The following SUSD5 variants were observed in gnomAD, a reference collection of about 807,000 sequenced individuals.
SUSD5 encodes sushi domain containing 5.
SUSD5 carries 33 observed loss-of-function variants against 29.5 expected under a neutral mutation model. The ratio of observed to expected loss-of-function variants is 1.12; its 90% confidence interval spans 0.85 to 1.49. The LOEUF is 1.49. SUSD5 is among the 40% of genes most tolerant of loss of function. The pLI is 0.00. For synonymous variants in SUSD5, 308 were observed against 325.3 expected (o/e 0.95, Z 0.57); for missense variants, 776 against 800.6 (o/e 0.97, Z 0.37).
At chr3:33,180,849 A>ATTT (rs1259692099) in intron 3 of SUSD5, among the ~76,000 whole-genome samples, 1 of 116,284 alleles carries the variant, frequency 8.6e-6, no homozygotes, top group Non-Finnish European at 1.9e-5. Flanking sequence ...CAAAAAAAAA[A>ATTT]TTTTTTTTTT....
intron 4 of SUSD5, among the ~76,000 whole-genome samples, chr3:33,160,303 T>C (rs1270122160): frequency 6.7e-6 from 1 of 148,332 alleles, no homozygotes; most frequent in Non-Finnish European, 1.5e-5. Context: ...AACAAACAAA[T>C]AAACAAACAA....
chr3:33,174,399 G>T (rs1187206485), intron 4 of SUSD5, among the ~76,000 whole-genome samples: 1 of 152,194 alleles, frequency 6.6e-6, no homozygotes, highest in South Asian at 2.1e-4. Context: ...CCACAGAATA[G>T]TTCTCAGGGT....
At chr3:33,189,478 CAAA>C (rs71630568) in intron 3 of SUSD5, among the ~76,000 whole-genome samples, 14 of 91,600 alleles carry the variant, frequency 1.5e-4, no homozygotes, top group Middle Eastern at 6.8e-3. Context: ...CTCTCCTTCT[CAAA>C]AAAAAAAAAA....
intron 4 of SUSD5, among the ~76,000 whole-genome samples, chr3:33,171,578 C>T (rs2031428762): frequency 6.6e-6 from 1 of 152,164 alleles, no homozygotes; most frequent in Non-Finnish European, 1.5e-5. Flanking sequence ...CCAGCTCTAT[C>T]GTTTGTGTCT....
intron 3 of SUSD5, among the ~76,000 whole-genome samples, chr3:33,176,358 T>C (rs2031552510): frequency 6.6e-6 from 1 of 152,230 alleles, no homozygotes. Context: ...CTTGGGTAAA[T>C]ACCAAAGAGC....
At chr3:33,155,269 T>C (rs1455620995) in intron 4 of SUSD5, among the ~76,000 whole-genome samples, 1 of 152,228 alleles carries the variant, frequency 6.6e-6, no homozygotes, top group South Asian at 2.1e-4. Flanking sequence ...ATTGGCAAGA[T>C]AGTTGACTTG....
chr3:33,183,836 C>A (rs2031722703), intron 3 of SUSD5, among the ~76,000 whole-genome samples: 2 of 148,654 alleles, frequency 1.3e-5, no homozygotes, highest in African/African-American at 2.5e-5. Flanking sequence ...GCCTTTATTT[C>A]TCTTTCACTT....
chr3:33,190,998 C>T (rs1311772435), intron 3 of SUSD5, among the ~76,000 whole-genome samples: 1 of 152,052 alleles, frequency 6.6e-6, no homozygotes, highest in Non-Finnish European at 1.5e-5. Flanking sequence ...AGCTTATATA[C>T]CTTCTTCATA....
chr3:33,188,192 A>G (rs989967072), intron 3 of SUSD5, among the ~76,000 whole-genome samples: 2 of 152,208 alleles, frequency 1.3e-5, no homozygotes, highest in Non-Finnish European at 2.9e-5. Context: ...ACTCATATGA[A>G]AGTTGATGCT....
At chr3:33,164,050 T>C (rs1040408164) in intron 4 of SUSD5, among the ~76,000 whole-genome samples, 5 of 151,990 alleles carry the variant, frequency 3.3e-5, no homozygotes, top group African/African-American at 1.2e-4. Flanking sequence ...TGCAACTGCC[T>C]GTAATCCCAG....
At position 33,150,898 on chromosome 3, in the gene SUSD5, G is replaced by A. The variant is rs1312362775; in HGVS notation, c.*1844C>T. The A allele has an allele frequency of 1.3e-5, 2 of 152,146 alleles. No homozygotes were observed. Among genetic ancestry groups the A allele is most frequent in the African/African-American group, 4.8e-5 (2 of 41,408 alleles). The allele number at this position is 152,146 out of a possible 1,614,324, so 9.4% of individuals were successfully genotyped here. ...TATGGTGTCTCAAAATAAATGTGTTGCATTCATCACTTTTTACCACTGATA... is the reference window on the plus strand; with the variant it reads ...TATGGTGTCTCAAAATAAATGTGTTACATTCATCACTTTTTACCACTGATA... On this transcript the variant is annotated 3_prime_UTR_variant, in exon 5 of 5. Coordinates refer to ENST00000309558, the MANE Select transcript of SUSD5 (RefSeq NM_015551.2).
chr3:33,172,774 A>C (rs897675494), intron 4 of SUSD5, among the ~76,000 whole-genome samples: 2 of 152,246 alleles, frequency 1.3e-5, no homozygotes, highest in African/African-American at 4.8e-5. Flanking sequence ...TTGACAGGGG[A>C]ATTTTATGTC....
At chr3:33,215,728 TG>T (rs2032418017) in intron 1 of SUSD5, among the ~76,000 whole-genome samples, 1 of 152,188 alleles carries the variant, frequency 6.6e-6, no homozygotes, top group Admixed American at 6.5e-5. Context: ...AAAATCCCCT[TG>T]TGCATGGAAA....
At chr3:33,213,061 T>C (rs1193162799) in intron 2 of SUSD5, among the ~76,000 whole-genome samples, 2 of 152,172 alleles carry the variant, frequency 1.3e-5, no homozygotes, top group South Asian at 2.1e-4. Flanking sequence ...ACTTTATATA[T>C]ATATGCATTA....
chr3:33,210,803 A>T (rs2032308668), intron 2 of SUSD5, among the ~76,000 whole-genome samples: 1 of 152,230 alleles, frequency 6.6e-6, no homozygotes, highest in Non-Finnish European at 1.5e-5. Flanking sequence ...AAAATAAATT[A>T]AAAAGGGATA....
In SUSD5 at chr3:33,167,388, T is replaced by C. The variant is rs879533495; in HGVS notation, c.598+7498A>G. Among the ~76,000 whole-genome samples the C allele has an allele frequency of 7.2e-5, 11 of 151,874 alleles. No individual in the cohort carries two copies. The highest frequency in any genetic ancestry group is 1.2e-4 in the Non-Finnish European group (8 of 67,968). On this transcript the variant is annotated intron_variant, in intron 4 of 4. Transcript: ENST00000309558. The surrounding 1 kb of genome is among the most constrained non-coding windows in gnomAD (Gnocchi z 4.1). ...ACCTGGACACTTACAGTCTGAACTATGTGTGTTTGTTTGTGTGCATGCATG... is the reference window on the plus strand; with the variant it reads ...ACCTGGACACTTACAGTCTGAACTACGTGTGTTTGTTTGTGTGCATGCATG...
chr3:33,196,317 T>TG (rs1481996130), intron 3 of SUSD5, among the ~76,000 whole-genome samples: 9 of 152,206 alleles, frequency 5.9e-5, no homozygotes, highest in African/African-American at 1.9e-4. Context: ...TGGTCAGTGA[T>TG]GGAGGCTTGG....
chr3:33,211,527 G>T (rs1431422127), intron 2 of SUSD5, among the ~76,000 whole-genome samples: 1 of 152,186 alleles, frequency 6.6e-6, no homozygotes, highest in Non-Finnish European at 1.5e-5. Context: ...TCACCAAAAG[G>T]CTTTGGATGT....
intron 4 of SUSD5, among the ~76,000 whole-genome samples, chr3:33,157,470 A>G (rs1193642911): frequency 6.6e-6 from 1 of 152,218 alleles, no homozygotes; most frequent in Non-Finnish European, 1.5e-5. Context: ...GTCATGACGT[A>G]TATCTTTGAC....
Sources: allele counts gnomAD v4.1 joint callset (sites outside exome capture counted in the v4.1 genomes callset), GRCh38; gene constraint gnomAD v4.1.1; non-coding constraint Gnocchi (gnomAD v3.1); transcripts MANE v1.5; gene names NCBI Gene and HGNC (gene_info 2026-07-23, HGNC 2026-07-21).